SMYD3: variants seen among roughly 807,000 people sequenced by gnomAD.
SMYD3 encodes SET and MYND domain containing 3.
SMYD3 carries 36 observed loss-of-function variants against 57.7 expected under a neutral mutation model. The ratio of observed to expected loss-of-function variants is 0.62; its 90% CI spans 0.48 to 0.82. The LOEUF is 0.82. Ranked by LOEUF, SMYD3 falls within the 40% of genes least tolerant of loss-of-function variation. SMYD3 has a pLI of 0.00. For synonymous variants in SMYD3, 211 were observed against 195.0 expected (o/e 1.08, Z -0.68); for missense variants, 515 against 538.8 (o/e 0.96, Z 0.44).
chr1:246,159,632 T>C (rs1052384198), intron 5 of SMYD3, among the ~76,000 whole-genome samples: 11 of 151,928 alleles, frequency 7.2e-5, no homozygotes, highest in Non-Finnish European at 1.3e-4. Context: ...TGATAAGCCA[T>C]GTCTGCTGAA....
chr1:246,285,013 T>A (rs1490360461), intron 5 of SMYD3, among the ~76,000 whole-genome samples: 1 of 152,002 alleles, frequency 6.6e-6, no homozygotes, highest in Non-Finnish European at 1.5e-5. Context: ...GGTATTTGGT[T>A]ACATGAGTAA....
intron 5 of SMYD3, among the ~76,000 whole-genome samples, chr1:246,007,243 G>A (rs976868499): frequency 2.0e-5 from 3 of 152,184 alleles, no homozygotes; most frequent in Non-Finnish European, 2.9e-5. Context: ...AAGCATGTGC[G>A]TTTGTCTTTG....
At chr1:246,295,718 C>T (rs1308254880) in intron 5 of SMYD3, among the ~76,000 whole-genome samples, 1 of 152,164 alleles carries the variant, frequency 6.6e-6, no homozygotes, top group African/African-American at 2.4e-5. Flanking sequence ...CCTCAGGTTA[C>T]AATACCAGTT....
intron 9 of SMYD3, among the ~76,000 whole-genome samples, chr1:245,863,304 G>C (rs2051654915): frequency 6.6e-6 from 1 of 152,154 alleles, no homozygotes; most frequent in South Asian, 2.1e-4. Context: ...TCCTTACTCT[G>C]AACTTTGGTC....
chr1:246,449,113 C>T (rs1290367843), intron 1 of SMYD3, among the ~76,000 whole-genome samples: 2 of 152,118 alleles, frequency 1.3e-5, no homozygotes, highest in Admixed American at 6.6e-5. Flanking sequence ...GCCTGTAGTT[C>T]CAGCTACTCA....
chr1:246,378,773 A>T (rs1370816339), intron 1 of SMYD3, among the ~76,000 whole-genome samples: 1 of 115,656 alleles, frequency 8.6e-6, no homozygotes, highest in African/African-American at 3.7e-5. Context: ...TATTATATAT[A>T]ATTTAATATA....
At chr1:246,390,106 T>C (rs1221159116) in intron 1 of SMYD3, among the ~76,000 whole-genome samples, 2 of 149,402 alleles carry the variant, frequency 1.3e-5, no homozygotes, top group Admixed American at 6.9e-5. Context: ...ATAGTCCAAG[T>C]TGGGGCAAGT....
At chr1:246,255,183 A>G (rs1399079718) in intron 5 of SMYD3, among the ~76,000 whole-genome samples, 1 of 151,984 alleles carries the variant, frequency 6.6e-6, no homozygotes, top group African/African-American at 2.4e-5. Flanking sequence ...GAGTGGTAAG[A>G]GTGGGCTTCC....
chr1:245,940,585 C>CAAAAA (rs140883787), intron 5 of SMYD3, among the ~76,000 whole-genome samples: 4 of 149,574 alleles, frequency 2.7e-5, no homozygotes, highest in Admixed American at 6.7e-5. Flanking sequence ...CAAAACAAAA[C>CAAAAA]AAAAAAAAAC....
At chr1:246,384,663 C>T (rs981426006) in intron 1 of SMYD3, among the ~76,000 whole-genome samples, 1 of 152,156 alleles carries the variant, frequency 6.6e-6, no homozygotes, top group African/African-American at 2.4e-5. Flanking sequence ...TCCCAAAGTG[C>T]TGAGATTACA....
intron 5 of SMYD3, among the ~76,000 whole-genome samples, chr1:246,009,960 G>C (rs73132339): frequency 0.085 from 25 of 294 alleles, 1 homozygote; most frequent in African/African-American, 0.2. Flanking sequence ...GATCACAGGT[G>C]AGTGCTACCA....
chr1:246,160,408 C>A (rs2062097644), intron 5 of SMYD3, among the ~76,000 whole-genome samples: 1 of 152,128 alleles, frequency 6.6e-6, no homozygotes, highest in Non-Finnish European at 1.5e-5. Context: ...AAGCAGATCT[C>A]TATACTGCTC....
At position 246,244,248 on chromosome 1, in the gene SMYD3, A is replaced by C. The variant is rs1193002193; in HGVS notation, c.531+82953T>G. Among the ~76,000 whole-genome samples the C allele has an allele frequency of 3.9e-5, 6 of 152,188 alleles. No homozygotes were observed. In the East Asian group the frequency reaches 9.7e-4, roughly 25 times the overall value. ...AAGAGGCCAAGGACACTTAAATGTA[A>C]ATTCATTGTACTTTTCACCTTTTTG... is the stretch of plus-strand genomic sequence containing the variant. On this transcript the variant is annotated intron_variant, in intron 5 of 11. Transcript: ENST00000490107.
At chr1:245,958,650 T>A (rs752144003) in intron 5 of SMYD3, among the ~76,000 whole-genome samples, 2 of 152,198 alleles carry the variant, frequency 1.3e-5, no homozygotes, top group Non-Finnish European at 2.9e-5. Flanking sequence ...TCATTGCTGA[T>A]TTACTTGTCT....
At position 246,463,196 on chromosome 1, in the gene SMYD3, G is replaced by C. The variant is rs183953071; in HGVS notation, c.164+43858C>G. On this transcript the variant is annotated intron_variant, in intron 1 of 11. Transcript: ENST00000490107. The stretch of plus-strand genomic sequence containing the variant: ...GGAACAAGAATGAATACCAGGTGAC[G>C]AATCAGGAGACTAAGATAGAAATTT... Among the ~76,000 whole-genome samples the C allele has an allele frequency of 2.0e-5, 3 of 152,244 alleles. No individual in the cohort carries two copies. The East Asian group carries it at 5.8e-4, about 29-fold the overall frequency.
Position 246,023,363 on chromosome 1 carries a change from G to A in SMYD3, c.532-93426C>T, listed in dbSNP as rs530081482. Among the ~76,000 whole-genome samples the A allele has an allele frequency of 5.3e-5, 8 of 152,266 alleles. No individual in the cohort carries two copies. In the South Asian group the frequency reaches 8.3e-4, roughly 16 times the overall value. On this transcript the variant is annotated intron_variant, in intron 5 of 11. Transcript: ENST00000490107. ...AGATGAGATAATATAGCTAGCTCTC[G>A]CAGATTAATCAAATGTGTCTTGTTA...
rs549660665 is a variant in SMYD3, at chr1:245,863,789, G to A, written c.901+10C>T. 6.4e-4 allele frequency: 1,034 copies of A among 1,612,180 alleles called. 20 individuals are homozygous for A. In the South Asian group the frequency reaches 0.01, roughly 16 times the overall value. ...CAACAGTCCACCTCAATCCACAGGC[G>A]AAAGGATACTCCAGTGTGCCTTCAG... On this transcript the variant is annotated intron_variant, in intron 9 of 11. Coordinates refer to ENST00000490107, the MANE Select transcript of SMYD3 (RefSeq NM_001167740.2).
intron 2 of SMYD3, among the ~76,000 whole-genome samples, chr1:246,353,485 C>T (rs960334143): frequency 2.4e-4 from 36 of 152,126 alleles, no homozygotes; most frequent in African/African-American, 8.7e-4. Context: ...AACTTGATAA[C>T]ACCACTGCAC....
chr1:246,352,076 G>T (rs1302337145), intron 2 of SMYD3, among the ~76,000 whole-genome samples: 1 of 148,218 alleles, frequency 6.7e-6, no homozygotes, highest in Non-Finnish European at 1.5e-5. Context: ...GGTGGAGGTT[G>T]CAGGGAGCTG....
Sources: gnomAD v4.1 joint callset for allele counts (sites outside exome capture counted in the v4.1 genomes callset) on GRCh38, gnomAD v4.1.1 for gene constraint, MANE v1.5 for transcripts, NCBI Gene and HGNC (gene_info 2026-07-23, HGNC 2026-07-21) for gene names.